LRBA: variants seen among roughly 807,000 people sequenced by gnomAD.
LRBA encodes LPS responsive beige-like anchor protein.
In LRBA, 176 loss-of-function variants were observed where a neutral mutation model predicts 330.0. The ratio of observed to expected loss-of-function variants is 0.53; its 90% CI spans 0.47 to 0.60. The LOEUF is 0.60. Among genes scored for constraint, LRBA ranks in the 20% least tolerant of loss-of-function variants. LRBA has a pLI of 0.00. For missense variants in LRBA, 3,259 were observed against 3,444.8 expected, an observed-to-expected ratio of 0.95 and a Z score of 1.35; for synonymous variants, 1,230 against 1,193.0, an observed-to-expected ratio of 1.03 and a Z score of -0.64.
chr4:150,684,018 G>C (rs1783288107), intron 36 of LRBA: 2 of 236,202 alleles, frequency 8.5e-6, no homozygotes, highest in African/African-American at 2.3e-5. Context: ...ACAGCATGAA[G>C]TGAAGTTGCA....
At chr4:150,598,383 C>T (rs1358658707) in intron 38 of LRBA, among the ~76,000 whole-genome samples, 1 of 152,062 alleles carries the variant, frequency 6.6e-6, no homozygotes, top group Non-Finnish European at 1.5e-5. Context: ...TTTACCTAAA[C>T]TGAATCATAG....
At chr4:150,683,513 A>C (rs1783233430) in intron 37 of LRBA, 38 bp downstream of exon 37, 1 of 1,569,604 alleles carries the variant, frequency 6.4e-7, no homozygotes, top group Non-Finnish European at 8.8e-7. Context: ...AGCCATCTAC[A>C]GAAAATCAGT....
intron 32 of LRBA, among the ~76,000 whole-genome samples, chr4:150,807,735 T>A (rs1743015370): frequency 6.6e-6 from 1 of 151,998 alleles, no homozygotes; most frequent in Admixed American, 6.6e-5. Context: ...AGCCTCTGCC[T>A]CCCGGGTTCA....
intron 36 of LRBA, chr4:150,721,011 T>C: frequency 5.6e-6 from 3 of 532,546 alleles, no homozygotes; most frequent in South Asian, 2.9e-5. Flanking sequence ...TGTTAGAGAT[T>C]ACAATTTGAC....
chr4:150,449,522 G>GAAA (rs767614620), intron 44 of LRBA, among the ~76,000 whole-genome samples: 34 of 106,584 alleles, frequency 3.2e-4, no homozygotes, highest in Admixed American at 1.2e-3. Context: ...TCTACTTCTG[G>GAAA]AAAAAAAAAA....
At chr4:150,641,323 TTAAC>T (rs560493090) in intron 37 of LRBA, among the ~76,000 whole-genome samples, 212 of 152,294 alleles carry the variant, frequency 1.4e-3, no homozygotes, top group Middle Eastern at 3.4e-3. Flanking sequence ...CAATGAATAT[TTAAC>T]TAATTTTCCA....
intron 40 of LRBA, among the ~76,000 whole-genome samples, chr4:150,556,900 ATATG>A: frequency 6.6e-6 from 1 of 152,350 alleles, no homozygotes; most frequent in Admixed American, 6.5e-5. Context: ...CTTTTTAAAA[ATATG>A]TAGCTGAATA....
intron 44 of LRBA, among the ~76,000 whole-genome samples, chr4:150,465,148 A>G (rs942648080): frequency 6.6e-6 from 1 of 152,118 alleles, no homozygotes; most frequent in Non-Finnish European, 1.5e-5. Context: ...ATGGAATCAT[A>G]CAGTATTTGC....
At chr4:150,752,492 A>AT (rs1733695356) in intron 35 of LRBA, among the ~76,000 whole-genome samples, 2 of 151,998 alleles carry the variant, frequency 1.3e-5, no homozygotes, top group South Asian at 2.1e-4. Flanking sequence ...TTAAAAAAAA[A>AT]TTTTTAATGG....
intron 34 of LRBA, among the ~76,000 whole-genome samples, chr4:150,772,246 G>A (rs995990834): frequency 6.6e-6 from 1 of 152,152 alleles, no homozygotes; most frequent in Non-Finnish European, 1.5e-5. Context: ...TCACTTTCAG[G>A]TGGTGCCTGC....
At chr4:150,927,025 C>T (rs1227465330) in intron 4 of LRBA, among the ~76,000 whole-genome samples, 1 of 150,018 alleles carries the variant, frequency 6.7e-6, no homozygotes, top group Non-Finnish European at 1.5e-5. Context: ...GAGCAGAGAT[C>T]GCACCACTGG....
intron 29 of LRBA, among the ~76,000 whole-genome samples, chr4:150,829,508 A>C (rs1341309346): frequency 6.6e-6 from 1 of 152,220 alleles, no homozygotes; most frequent in Non-Finnish European, 1.5e-5. Context: ...AGGACTTCAC[A>C]TAACAGCAAC....
chr4:150,389,676 C>CAAAAAAAAAAA (rs34170088), intron 47 of LRBA, among the ~76,000 whole-genome samples: 28 of 79,986 alleles, frequency 3.5e-4, no homozygotes, highest in East Asian at 4.0e-4. Context: ...GACTCTGTCT[C>CAAAAAAAAAAA]AAAAAAAAAA....
At chr4:150,840,959 C>A in intron 28 of LRBA, 1 of 1,204,454 alleles carries the variant, frequency 8.3e-7, no homozygotes, top group South Asian at 1.4e-5. Flanking sequence ...TCAATTTGAA[C>A]ATATCCACTT....
At chr4:150,432,800 G>A (rs1369397914) in intron 46 of LRBA, among the ~76,000 whole-genome samples, 1 of 151,768 alleles carries the variant, frequency 6.6e-6, no homozygotes, top group Non-Finnish European at 1.5e-5. Context: ...AAATAAACAG[G>A]ATCAAAACAA....
chr4:150,331,040 A>G (rs1164037577), intron 48 of LRBA, among the ~76,000 whole-genome samples: 1 of 152,154 alleles, frequency 6.6e-6, no homozygotes, highest in Non-Finnish European at 1.5e-5. Flanking sequence ...GAAGCTCTGA[A>G]AGATGTCACT....
intron 46 of LRBA, among the ~76,000 whole-genome samples, chr4:150,430,631 T>A (rs1750256855): frequency 6.6e-6 from 1 of 152,180 alleles, no homozygotes; most frequent in Non-Finnish European, 1.5e-5. Flanking sequence ...TAAACACAAT[T>A]AAAATACAAA....
intron 47 of LRBA, among the ~76,000 whole-genome samples, chr4:150,389,409 G>A (rs564410475): frequency 6.6e-6 from 1 of 151,508 alleles, no homozygotes; most frequent in African/African-American, 2.4e-5. Flanking sequence ...GGTTAATATT[G>A]TTCAGAGTTT....
chr4:150,317,906 G>A (rs145620652), intron 50 of LRBA, among the ~76,000 whole-genome samples: 212 of 152,200 alleles, frequency 1.4e-3, no homozygotes, highest in African/African-American at 4.9e-3. Context: ...AAAAAAACGC[G>A]ATTTCATATG....
Sources: allele counts gnomAD v4.1 joint callset (sites outside exome capture counted in the v4.1 genomes callset), GRCh38; gene constraint gnomAD v4.1.1; transcripts MANE v1.5; gene names NCBI Gene and HGNC (gene_info 2026-07-23, HGNC 2026-07-21).